Variants in MEIS2 observed in about 807,000 individuals in gnomAD.
The protein encoded by MEIS2 is Meis homeobox 2, also known as homeobox protein Meis2.
Under a neutral mutation model 58.6 loss-of-function variants are expected in MEIS2, and 9 were observed. That is an observed-to-expected ratio of 0.15 (90% confidence interval 0.09 to 0.27). MEIS2 has a LOEUF of 0.27. Ranked by LOEUF, MEIS2 falls within the 10% of genes least tolerant of loss-of-function variation. The pLI is 1.00. For missense variants in MEIS2, 427 were observed against 635.0 expected (o/e 0.67, Z 3.52); for synonymous variants, 221 against 228.4 (o/e 0.97, Z 0.29).
At chr15:37,018,044 C>T (rs2061408003) in intron 8 of MEIS2, among the ~76,000 whole-genome samples, 2 of 152,164 alleles carry the variant, frequency 1.3e-5, no homozygotes, top group South Asian at 2.1e-4. Context: ...CCTAACAACC[C>T]TAGGAGGAAG....
chr15:37,027,358 C>G (rs932790184), intron 8 of MEIS2, among the ~76,000 whole-genome samples: 1 of 152,190 alleles, frequency 6.6e-6, no homozygotes, highest in East Asian at 1.9e-4. Context: ...GAGGGACAGT[C>G]AGTATTCTCA....
chr15:37,096,433 A>G lies in MEIS2; in HGVS notation c.246-3T>C, dbSNP rs2140095823. 1 of 1,612,612 alleles carries G rather than the reference A, an allele frequency of 6.2e-7. No homozygotes were observed. The highest frequency in any genetic ancestry group is 1.1e-5 in the South Asian group (1 of 90,912). ...CTAACAGAGGAAACAACGGGTGCCT[A>G]ACGGGCAGCGCCACGCAGAGACACA... On this transcript the variant is annotated splice_region_variant and splice_polypyrimidine_tract_variant and intron_variant, in intron 2 of 11. Transcript: ENST00000561208.
chr15:37,097,403 G>A (rs1824773148), intron 2 of MEIS2: 1 of 152,480 alleles, frequency 6.6e-6, no homozygotes, highest in East Asian at 1.9e-4. Flanking sequence ...GCAAGCAAGA[G>A]TCCCTTCCAC....
chr15:36,978,167 T>G, intron 8 of MEIS2, among the ~76,000 whole-genome samples: 1 of 152,238 alleles, frequency 6.6e-6, no homozygotes. Context: ...ACAATACAAA[T>G]TTGTTTCTGG....
intron 7 of MEIS2, among the ~76,000 whole-genome samples, chr15:37,058,724 C>T (rs1888787159): frequency 1.3e-5 from 2 of 152,186 alleles, no homozygotes; most frequent in South Asian, 2.1e-4. Context: ...AGCAGTGGCA[C>T]CAAATTCATC....
At chr15:36,925,767 T>C (rs1469343031) in intron 9 of MEIS2, among the ~76,000 whole-genome samples, 1 of 152,214 alleles carries the variant, frequency 6.6e-6, no homozygotes, top group African/African-American at 2.4e-5. Flanking sequence ...TTTATAGCCG[T>C]GGTCTTTCCA....
At chr15:36,979,601 C>A (rs2059865797) in intron 8 of MEIS2, among the ~76,000 whole-genome samples, 1 of 151,160 alleles carries the variant, frequency 6.6e-6, no homozygotes, top group South Asian at 2.1e-4. Flanking sequence ...ATGTCAGACG[C>A]ATGTTTAATT....
intron 8 of MEIS2, among the ~76,000 whole-genome samples, chr15:37,003,481 G>T (rs916268283): frequency 6.6e-6 from 1 of 151,864 alleles, no homozygotes; most frequent in African/African-American, 2.4e-5. Flanking sequence ...ATCAATAAAA[G>T]GCAAGAGTTC....
chr15:37,053,135 T>C lies in MEIS2; in HGVS notation c.755-16176A>G, dbSNP rs550956162. On this transcript the variant is annotated intron_variant, in intron 7 of 11. Coordinates refer to ENST00000561208, the MANE Select transcript of MEIS2 (RefSeq NM_170675.5). ...TTTGCTTTCTCAGTAGGTTTATTCA[T>C]ATACCTGTGGTAAACCAGCCTATGA... Among the ~76,000 whole-genome samples, 5 of 152,338 alleles carry C rather than the reference T, an allele frequency of 3.3e-5. No individual in the cohort carries two copies. The South Asian group carries it at 1.0e-3, about 32-fold the overall frequency.
Position 36,892,057 on chromosome 15 carries a change from TA to T in MEIS2, c.*115del. 3.4e-6 allele frequency: 4 copies of T among 1,171,584 alleles called. No homozygotes were observed. Among genetic ancestry groups the T allele is most frequent in the Non-Finnish European group, 4.9e-6 (4 of 813,264 alleles). The allele number at this position is 1,171,584 out of a possible 1,614,324, so 72.6% of individuals were successfully genotyped here. A position where few individuals can be genotyped will look rare whatever the true frequency, so the allele number is the denominator to read the frequency against. On this transcript the variant is annotated 3_prime_UTR_variant, in exon 12 of 12. Transcript: ENST00000561208. ...GTTGCTTGATGAAAAATGACAAAAG[TA>T]AAAAATAATCACAGCTGTCTGGAAT...
At chr15:37,094,732 A>G (rs1328375275) in intron 4 of MEIS2, among the ~76,000 whole-genome samples, 155 bp from the exon 5 acceptor site, 1 of 152,042 alleles carries the variant, frequency 6.6e-6, no homozygotes, top group East Asian at 1.9e-4. Flanking sequence ...AGAAATAGTC[A>G]GAAAAATCAA....
intron 8 of MEIS2, among the ~76,000 whole-genome samples, chr15:37,029,299 G>A (rs2061823292): frequency 6.6e-6 from 1 of 152,124 alleles, no homozygotes; most frequent in Admixed American, 6.5e-5. Flanking sequence ...GTGAACATTT[G>A]CAGCTCTGAA....
intron 8 of MEIS2, among the ~76,000 whole-genome samples, chr15:36,967,220 A>G (rs1424039731): frequency 6.6e-6 from 1 of 152,182 alleles, no homozygotes; most frequent in Non-Finnish European, 1.5e-5. Context: ...TGATATCACT[A>G]GTATTTGTAA....
At chr15:37,078,549 A>C (rs1051866145) in intron 7 of MEIS2, among the ~76,000 whole-genome samples, 4 of 149,794 alleles carry the variant, frequency 2.7e-5, no homozygotes, top group African/African-American at 9.8e-5. Flanking sequence ...AAATAATGAA[A>C]AATCCTTTGC....
chr15:37,055,588 C>CA (rs1306965479), intron 7 of MEIS2, among the ~76,000 whole-genome samples: 1 of 152,148 alleles, frequency 6.6e-6, no homozygotes, highest in African/African-American at 2.4e-5. Context: ...ATCTCACTGA[C>CA]AAAAATGTGA....
intron 8 of MEIS2, among the ~76,000 whole-genome samples, chr15:36,983,284 T>C (rs1432216858): frequency 1.3e-5 from 2 of 152,202 alleles, no homozygotes; most frequent in Non-Finnish European, 2.9e-5. Flanking sequence ...GTTTCAGCTC[T>C]AATGTTTAAG....
intron 7 of MEIS2, among the ~76,000 whole-genome samples, chr15:37,075,112 A>C (rs945146054): frequency 2.0e-5 from 3 of 152,004 alleles, no homozygotes; most frequent in African/African-American, 7.2e-5. Context: ...ACTTATTAGC[A>C]AAATGGATCC....
At chr15:36,927,153 CAACTGG>C (rs772324293) in intron 9 of MEIS2, among the ~76,000 whole-genome samples, 2 of 152,110 alleles carry the variant, frequency 1.3e-5, no homozygotes, top group Non-Finnish European at 2.9e-5. Context: ...TAAATCTCAG[CAACTGG>C]AGATTTTATT....
At chr15:37,077,578 T>C (rs1016251326) in intron 7 of MEIS2, among the ~76,000 whole-genome samples, 11 of 152,062 alleles carry the variant, frequency 7.2e-5, no homozygotes, top group African/African-American at 2.7e-4. Flanking sequence ...ACTGACCCAA[T>C]TAATATGAAA....
Sources: gnomAD v4.1 joint callset for allele counts (sites outside exome capture counted in the v4.1 genomes callset) on GRCh38, gnomAD v4.1.1 for gene constraint, MANE v1.5 for transcripts, NCBI Gene and HGNC (gene_info 2026-07-23, HGNC 2026-07-21) for gene names.